The following FHIT variants were observed in gnomAD, a reference collection of about 807,000 sequenced individuals.
FHIT encodes the protein fragile histidine triad diadenosine triphosphatase.
In FHIT, 19 loss-of-function variants were observed where a neutral mutation model predicts 17.9. The observed-to-expected ratio is 1.06, with a 90% CI of 0.74 to 1.56. The LOEUF is 1.56. FHIT is among the 40% of genes most tolerant of loss of function. The probability of loss-of-function intolerance (pLI) is 0.00; values close to 1 mark genes in which losing one functional copy is unlikely to be tolerated. For synonymous variants in FHIT, 81 were observed against 69.7 expected (o/e 1.16, Z -0.81); for missense variants, 248 against 189.2 (o/e 1.31, Z -1.82).
chr3:60,980,866 C>T (rs779268230), intron 3 of FHIT, among the ~76,000 whole-genome samples: 1 of 152,192 alleles, frequency 6.6e-6, no homozygotes, highest in Non-Finnish European at 1.5e-5. Flanking sequence ...TTTAAGCATA[C>T]TACAAATACC....
intron 5 of FHIT, among the ~76,000 whole-genome samples, chr3:60,440,972 T>G (rs2030743802): frequency 6.6e-6 from 1 of 152,156 alleles, no homozygotes; most frequent in Non-Finnish European, 1.5e-5. Flanking sequence ...AAATGTATTA[T>G]GAACTTGTGT....
intron 5 of FHIT, among the ~76,000 whole-genome samples, chr3:60,332,416 A>G (rs1188088712): frequency 6.6e-6 from 1 of 152,212 alleles, no homozygotes; most frequent in Non-Finnish European, 1.5e-5. Flanking sequence ...GGAAAATTCG[A>G]GCAGACAGTA....
chr3:60,627,386 TTTTG>T lies in FHIT; in HGVS notation c.-17-90411_-17-90408del, dbSNP rs555476866. ...TCAGGCTTTATATTTGTAGAATCAG[TTTTG>T]TTTGTATCTGTTTAGGAATTTGTTC... is the stretch of plus-strand genomic sequence containing the variant. On this transcript the variant is annotated intron_variant, in intron 4 of 9. Coordinates refer to ENST00000492590, the MANE Select transcript of FHIT (RefSeq NM_002012.4). Among the ~76,000 whole-genome samples the T allele has an allele frequency of 2.6e-4, 40 of 152,176 alleles. 1 individual carries two copies. Among genetic ancestry groups the T allele is most frequent in the Admixed American group, 5.9e-4 (9 of 15,272 alleles).
chr3:60,563,629 A>C (rs1372990219), intron 4 of FHIT, among the ~76,000 whole-genome samples: 1 of 152,222 alleles, frequency 6.6e-6, no homozygotes, highest in Non-Finnish European at 1.5e-5. Flanking sequence ...AAAGTAAAAC[A>C]CTTATTGCTG....
chr3:60,459,785 T>C (rs946541146), intron 5 of FHIT, among the ~76,000 whole-genome samples: 14 of 152,224 alleles, frequency 9.2e-5, no homozygotes, highest in African/African-American at 3.4e-4. Context: ...TCTCAGTTCA[T>C]TAACAGCATT....
At chr3:60,443,865 T>G (rs1290154438) in intron 5 of FHIT, among the ~76,000 whole-genome samples, 1 of 152,030 alleles carries the variant, frequency 6.6e-6, no homozygotes, top group African/African-American at 2.4e-5. Context: ...ACTAAAGAGC[T>G]TCTGCACAGC....
Position 59,991,126 on chromosome 3 carries a change from G to A in FHIT, c.279+20245C>T, listed in dbSNP as rs137862232. Among the ~76,000 whole-genome samples the A allele has an allele frequency of 4.9e-3, 743 of 152,128 alleles. 7 individuals carry two copies. Among genetic ancestry groups the A allele is most frequent in the African/African-American group, 0.015 (619 of 41,536 alleles). On this transcript the variant is annotated intron_variant, in intron 7 of 9. Transcript: ENST00000492590. Reference sequence around the variant, plus strand: ...AAGGGCCACATCTGTTTTATTTAGCGAGAAGCAGAATTAGGCCATGTGTGA... The same window carrying A: ...AAGGGCCACATCTGTTTTATTTAGCAAGAAGCAGAATTAGGCCATGTGTGA...
chr3:60,814,415 G>A (rs1006349436), intron 4 of FHIT, among the ~76,000 whole-genome samples: 26 of 152,096 alleles, frequency 1.7e-4, no homozygotes, highest in Non-Finnish European at 1.9e-4. Flanking sequence ...ACGTCCACAC[G>A]TACCCAAAGT....
intron 4 of FHIT, among the ~76,000 whole-genome samples, chr3:60,714,397 C>T (rs1214834037): frequency 1.3e-5 from 2 of 152,054 alleles, no homozygotes; most frequent in African/African-American, 4.8e-5. Flanking sequence ...CCTCTCTCAC[C>T]ACTCCTATTC....
chr3:60,819,283 A>C (rs1485599047), intron 4 of FHIT, among the ~76,000 whole-genome samples: 1 of 152,158 alleles, frequency 6.6e-6, no homozygotes, highest in Non-Finnish European at 1.5e-5. Context: ...TTCCTTGATC[A>C]TCTTGCCAAG....
intron 7 of FHIT, among the ~76,000 whole-genome samples, chr3:59,941,824 G>A (rs1575735431): frequency 6.6e-6 from 1 of 152,182 alleles, no homozygotes; most frequent in Admixed American, 6.5e-5. Context: ...CCCAATGCAT[G>A]AAGTAGGATA....
At chr3:60,886,069 A>C (rs1301050463) in intron 3 of FHIT, among the ~76,000 whole-genome samples, 4 of 152,222 alleles carry the variant, frequency 2.6e-5, no homozygotes, top group African/African-American at 7.2e-5. Flanking sequence ...GAATAAACTT[A>C]AATAAATAAA....
chr3:60,834,856 C>A (rs1364013382), intron 3 of FHIT, among the ~76,000 whole-genome samples: 2 of 138,970 alleles, frequency 1.4e-5, no homozygotes, highest in East Asian at 4.2e-4. Flanking sequence ...CTGAGTGAGA[C>A]ACTGTCTCAA....
chr3:60,026,054 A>C (rs1700730323), intron 5 of FHIT, among the ~76,000 whole-genome samples: 1 of 152,138 alleles, frequency 6.6e-6, no homozygotes, highest in African/African-American at 2.4e-5. Context: ...ATCTGCTTAC[A>C]CCTGTCTCCT....
At chr3:59,898,423 T>A (rs1022884047) in intron 8 of FHIT, among the ~76,000 whole-genome samples, 1 of 150,542 alleles carries the variant, frequency 6.6e-6, no homozygotes, top group African/African-American at 2.5e-5. Context: ...TATTTGTATA[T>A]ATGTGTGCGT....
intron 4 of FHIT, among the ~76,000 whole-genome samples, chr3:60,554,208 C>T (rs997971740): frequency 6.6e-6 from 1 of 150,444 alleles, no homozygotes; most frequent in African/African-American, 2.5e-5. Context: ...GGCCGAGATT[C>T]GTTTTTTTCA....
chr3:59,877,123 G>A (rs1244627254), intron 8 of FHIT, among the ~76,000 whole-genome samples: 1 of 152,114 alleles, frequency 6.6e-6, no homozygotes, highest in South Asian at 2.1e-4. Flanking sequence ...TAGAAAGAAG[G>A]GAAGATGTTA....
rs551167270 is a variant in FHIT, at chr3:60,886,315, C to A, written c.-110-64304G>T. Among the ~76,000 whole-genome samples the A allele has an allele frequency of 5.9e-5, 9 of 152,248 alleles. No homozygotes were observed. In the South Asian group the frequency reaches 1.2e-3, roughly 21 times the overall value. On this transcript the variant is annotated intron_variant, in intron 3 of 9. Coordinates refer to ENST00000492590, the MANE Select transcript of FHIT (RefSeq NM_002012.4). ...AGCATTGAAAAATCTTGGCAAGGCG[C>A]CTATGCTAATAAGAAAGTGATCCAA...
At chr3:59,931,733 TGA>T (rs1305256863) in intron 7 of FHIT, among the ~76,000 whole-genome samples, 3 of 152,200 alleles carry the variant, frequency 2.0e-5, no homozygotes, top group Non-Finnish European at 4.4e-5. Flanking sequence ...GAGACTCTGT[TGA>T]GTTTCGTGGC....
Sources: allele counts gnomAD v4.1 joint callset (sites outside exome capture counted in the v4.1 genomes callset), GRCh38; gene constraint gnomAD v4.1.1; transcripts MANE v1.5; gene names NCBI Gene and HGNC (gene_info 2026-07-23, HGNC 2026-07-21).